Variants in ZNF284 observed in about 807,000 individuals in gnomAD.
The protein encoded by ZNF284 is zinc finger protein 284.
In ZNF284, 12 loss-of-function variants were observed where a neutral mutation model predicts 12.9. The observed-to-expected ratio is 0.93, with a 90% CI of 0.60 to 1.51. ZNF284 has a LOEUF of 1.51. Among genes scored for constraint, ZNF284 ranks in the 40% most tolerant of loss-of-function variants. The pLI, the probability that ZNF284 is intolerant of heterozygous loss-of-function variation, is 0.00. For synonymous variants in ZNF284, 225 were observed against 236.5 expected (o/e 0.95, Z 0.45); for missense variants, 667 against 707.3 (o/e 0.94, Z 0.65).
At position 44,085,914 on chromosome 19, in the gene ZNF284, C is replaced by A. The variant is rs1260542180; in HGVS notation, c.436C>A (p.Pro146Thr). ...GLSIIHIGET[P>T]SEHGKCKKFF... ...ATCTATAATTCACATAGGAGAGACA[C>A]CTTCTGAGCATGGGAAGTGTAAAAA... Residue 146 changes from proline to threonine, a missense_variant, in exon 5 of 5, where the codon CCT (proline) becomes ACT (threonine). Coordinates refer to ENST00000421176, the MANE Select transcript of ZNF284 (RefSeq NM_001037813.4). The A allele has an allele frequency of 6.2e-7, 1 of 1,614,188 alleles. No homozygotes were observed. The highest frequency in any genetic ancestry group is 1.3e-5 in the African/African-American group (1 of 75,058).
chr19:44,084,368 C>T (rs890777017), intron 4 of ZNF284, among the ~76,000 whole-genome samples: 1 of 152,154 alleles, frequency 6.6e-6, no homozygotes, highest in African/African-American at 2.4e-5. Flanking sequence ...GTGGGCTTGT[C>T]CTGTGCACGG....
Position 44,088,719 on chromosome 19 carries a change from G to A in ZNF284, c.*1459G>A, listed in dbSNP as rs1315386218. On this transcript the variant is annotated 3_prime_UTR_variant, in exon 5 of 5. Transcript: ENST00000421176. ...AATGTGATATATGTGACAGCAAAGAGTTATAAGATATGAATATGTTAATTT... is the reference window on the plus strand; with the variant it reads ...AATGTGATATATGTGACAGCAAAGAATTATAAGATATGAATATGTTAATTT... 6.6e-6 allele frequency: 1 copy of A among 151,924 alleles called. No homozygotes were observed. Among genetic ancestry groups the A allele is most frequent in the East Asian group, 1.9e-4 (1 of 5,194 alleles). 9.4% of individuals were successfully genotyped at this position (151,924 alleles called of 1,614,324 possible).
In ZNF284 at chr19:44,086,106, A is replaced by G; in HGVS notation, c.628A>G (p.Lys210Glu). 6.2e-7 allele frequency: 1 copy of G among 1,614,236 alleles called. No homozygotes were observed. The highest frequency in any genetic ancestry group is 8.5e-7 in the Non-Finnish European group (1 of 1,180,040). The change falls in exon 5 of 5, where the codon AAG becomes GAG. Residue 210 changes from lysine (K) to glutamate (E), a missense_variant. By Grantham distance (56) the Lys-to-Glu change is moderately conservative (BLOSUM62 1). Transcript: ENST00000421176. ...EKRYKCDVCS[K>E]AFSQNSQLQT... ...ACGCTATAAGTGTGATGTGTGTAGT[A>G]AGGCATTTAGTCAGAACTCACAACT...
At chr19:44,078,808 T>A (rs931463533) in intron 2 of ZNF284, among the ~76,000 whole-genome samples, 1 of 152,132 alleles carries the variant, frequency 6.6e-6, no homozygotes, top group Non-Finnish European at 1.5e-5. Flanking sequence ...ATTTCTTTTT[T>A]GAAATAGAGT....
chr19:44,083,344 G>A (rs899048185), intron 4 of ZNF284, among the ~76,000 whole-genome samples: 3 of 151,290 alleles, frequency 2.0e-5, no homozygotes, highest in African/African-American at 7.3e-5. Context: ...TGAGGCGTGA[G>A]AATCACTTGA....
rs144113831 is a variant in ZNF284, at chr19:44,081,866, G to A, written c.143-147G>A. ...ACCAGCTCCCTCTTATGACATGTGGGGATTATGGGAACTACAATTCAAGAT... is the reference window on the plus strand; with the variant it reads ...ACCAGCTCCCTCTTATGACATGTGGAGATTATGGGAACTACAATTCAAGAT... On this transcript the variant is annotated intron_variant, in intron 3 of 4. Transcript: ENST00000421176. The A allele has an allele frequency of 5.0e-3, 2,914 of 583,014 alleles. 12 individuals carry two copies. The highest frequency in any genetic ancestry group is 7.0e-3 in the Non-Finnish European group (2,299 of 330,730). 36.1% of individuals were successfully genotyped at this position (583,014 alleles called of 1,614,324 possible).
rs1967278373 is a variant in ZNF284, at chr19:44,087,321, C to A, written c.*61C>A. ...ATACATGTATACAATGTATAATGAT[C>A]AAATCAGTGTTATTAGCATATCCAT... On this transcript the variant is annotated 3_prime_UTR_variant, in exon 5 of 5. Transcript: ENST00000421176. 7 of 1,207,546 alleles carry A rather than the reference C, an allele frequency of 5.8e-6. No homozygotes were observed. Among genetic ancestry groups the A allele is most frequent in the Admixed American group, 5.7e-5 (2 of 35,052 alleles). The allele number at this position is 1,207,546 out of a possible 1,614,324, so 74.8% of individuals were successfully genotyped here. A position where few individuals can be genotyped will look rare whatever the true frequency, so the allele number is the denominator to read the frequency against.
intron 1 of ZNF284, among the ~76,000 whole-genome samples, chr19:44,074,381 T>C (rs576028317): frequency 6.6e-6 from 1 of 150,592 alleles, no homozygotes; most frequent in Non-Finnish European, 1.5e-5. Flanking sequence ...AAAAAAAAAA[T>C]ATTTAACGTT....
At chr19:44,083,470 T>TAGAG (rs1282885377) in intron 4 of ZNF284, among the ~76,000 whole-genome samples, 2,401 of 64,352 alleles carry the variant, frequency 0.037, 97 homozygotes, top group Admixed American at 0.068. Context: ...TATATATATA[T>TAGAG]ATATAGAGAG....
chr19:44,078,175 T>A (rs148100623), intron 2 of ZNF284, among the ~76,000 whole-genome samples: 62 of 152,344 alleles, frequency 4.1e-4, no homozygotes, highest in African/African-American at 1.4e-3. Flanking sequence ...CATTAATTGG[T>A]AAATTTTAGA....
intron 4 of ZNF284, among the ~76,000 whole-genome samples, chr19:44,083,151 C>T (rs1322832752): frequency 6.6e-6 from 1 of 151,934 alleles, no homozygotes; most frequent in Non-Finnish European, 1.5e-5. Context: ...ATTTAAAATA[C>T]CAGCCGGGCG....
rs762932927 is a variant in ZNF284, at chr19:44,076,372, C to G, written c.-18C>G. ...GCATAACTGAGAACTCTGCAAATTC[C>G]CCAAAGAAGGAGGAAAAATGACCAT... On this transcript the variant is annotated 5_prime_UTR_variant, in exon 2 of 5. Coordinates refer to ENST00000421176, the MANE Select transcript of ZNF284 (RefSeq NM_001037813.4). The G allele has an allele frequency of 4.2e-5, 67 of 1,609,636 alleles. No homozygotes were observed. The Middle Eastern group carries it at 2.8e-3, about 67-fold the overall frequency.
In ZNF284 at chr19:44,072,254, T is replaced by G. The variant is rs544877135; in HGVS notation, c.-106T>G. On this transcript the variant is annotated 5_prime_UTR_variant, in exon 1 of 5. Transcript: ENST00000421176. Reference sequence around the variant, plus strand: ...ATGCTGGCTCGCAACCACCTGGAAGTTGACTAAGGGGAGAAGGAGTCTCGT... The same window carrying G: ...ATGCTGGCTCGCAACCACCTGGAAGGTGACTAAGGGGAGAAGGAGTCTCGT... 6.6e-6 allele frequency: 1 copy of G among 152,210 alleles called. No individual in the cohort carries two copies. The highest frequency in any genetic ancestry group is 1.5e-5 in the Non-Finnish European group (1 of 68,106). 9.4% of individuals were successfully genotyped at this position (152,210 alleles called of 1,614,324 possible). A position where few individuals can be genotyped will look rare whatever the true frequency, so the allele number is the denominator to read the frequency against.
intron 3 of ZNF284, among the ~76,000 whole-genome samples, chr19:44,081,691 G>C (rs11882151): frequency 1.3e-5 from 2 of 151,690 alleles, no homozygotes; most frequent in African/African-American, 4.8e-5. Context: ...CAGCCTGGGC[G>C]ACAGAGCGAG....
At position 44,086,187 on chromosome 19, in the gene ZNF284, G is replaced by T. The variant is rs1240166257; in HGVS notation, c.709G>T (p.Gly237Trp). 6.2e-7 allele frequency: 1 copy of T among 1,614,082 alleles called. No homozygotes were observed. Among genetic ancestry groups the T allele is most frequent in the Non-Finnish European group, 8.5e-7 (1 of 1,180,054 alleles). ...GEKPFKCEQC[G>W]KSFSRRSGMY... The stretch of plus-strand genomic sequence containing the variant: ...GAAACCATTCAAATGTGAGCAGTGT[G>T]GGAAAAGTTTCAGCCGTAGATCAGG... Residue 237 changes from glycine to tryptophan, a missense_variant, in exon 5 of 5, where the codon GGG becomes TGG. Gly to Trp is a radical substitution (Grantham distance 184). Coordinates refer to ENST00000421176, the MANE Select transcript of ZNF284 (RefSeq NM_001037813.4).
chr19:44,086,063 A>C lies in ZNF284; in HGVS notation c.585A>C (p.Lys195Asn), dbSNP rs991025993. Residue 195 changes from lysine (K) to asparagine (N), a missense_variant, in exon 5 of 5, where the codon AAA becomes AAC. By Grantham distance (94) the Lys-to-Asn change is moderately conservative (BLOSUM62 0). Coordinates refer to ENST00000421176, the MANE Select transcript of ZNF284 (RefSeq NM_001037813.4). ...GCTCAGCTCTTTGTCTTCATCAGAA[A>C]GTTCACATGGGAGAGAAACGCTATA... is the stretch of plus-strand genomic sequence containing the variant. ...CYSSALCLHQ[K>N]VHMGEKRYKC... 53 of 1,614,118 alleles carry C rather than the reference A, an allele frequency of 3.3e-5. No homozygotes were observed. The highest frequency in any genetic ancestry group is 4.3e-5 in the Non-Finnish European group (51 of 1,180,036).
At chr19:44,083,855 C>T (rs746580958) in intron 4 of ZNF284, among the ~76,000 whole-genome samples, 1 of 152,052 alleles carries the variant, frequency 6.6e-6, no homozygotes, top group Non-Finnish European at 1.5e-5. Flanking sequence ...ATGGTGTGTG[C>T]AGGTGAGTGT....
chr19:44,087,264 T>C lies in ZNF284; in HGVS notation c.*4T>C, dbSNP rs1221263829. The C allele has an allele frequency of 1.3e-6, 2 of 1,512,328 alleles. No homozygotes were observed. Among genetic ancestry groups the C allele is most frequent in the African/African-American group, 1.4e-5 (1 of 71,028 alleles). The allele number at this position is 1,512,328 out of a possible 1,614,324, so 93.7% of individuals were successfully genotyped here. On this transcript the variant is annotated 3_prime_UTR_variant, in exon 5 of 5. Transcript: ENST00000421176. Reference sequence around the variant, plus strand: ...ATTATTTTTAAATGATATATAATTATTGTCCATATTTATGGGTTACAGCAT... The same window carrying C: ...ATTATTTTTAAATGATATATAATTACTGTCCATATTTATGGGTTACAGCAT...
chr19:44,077,455 A>C (rs1967048870), intron 2 of ZNF284, among the ~76,000 whole-genome samples: 1 of 151,562 alleles, frequency 6.6e-6, no homozygotes, highest in Non-Finnish European at 1.5e-5. Context: ...CTCCAGCAAC[A>C]TTTAGCAATT....
Sources: allele counts gnomAD v4.1 joint callset (sites outside exome capture counted in the v4.1 genomes callset), GRCh38; gene constraint gnomAD v4.1.1; transcripts MANE v1.5; gene names NCBI Gene and HGNC (gene_info 2026-07-23, HGNC 2026-07-21).